Variants in ZFYVE9 observed in about 807,000 individuals in gnomAD.
ZFYVE9 encodes the protein zinc finger FYVE-type containing 9.
In ZFYVE9, 43 loss-of-function variants were observed where a neutral mutation model predicts 126.7. The ratio of observed to expected loss-of-function variants is 0.34; its 90% confidence interval spans 0.27 to 0.44. The LOEUF is 0.44. ZFYVE9 is among the 20% of genes least tolerant of loss of function. The pLI, the probability that ZFYVE9 is intolerant of heterozygous loss-of-function variation, is 1.00. For missense variants in ZFYVE9, 1,476 were observed against 1,697.0 expected (o/e 0.87, Z 2.29); for synonymous variants, 521 against 597.4 (o/e 0.87, Z 1.87).
chr1:52,149,343 A>AT (rs1644333405), intron 1 of ZFYVE9, among the ~76,000 whole-genome samples: 1 of 152,112 alleles, frequency 6.6e-6, no homozygotes, highest in Admixed American at 6.6e-5. Context: ...GGAAGGCTTT[A>AT]ATACCTTGAA....
chr1:52,196,876 A>C (rs1235699336), intron 1 of ZFYVE9, among the ~76,000 whole-genome samples: 1 of 152,142 alleles, frequency 6.6e-6, no homozygotes, highest in Non-Finnish European at 1.5e-5. Context: ...GAAAGTGACA[A>C]AAGTATAAAC....
chr1:52,172,301 A>G (rs1164979207), intron 1 of ZFYVE9, among the ~76,000 whole-genome samples: 1 of 152,186 alleles, frequency 6.6e-6, no homozygotes, highest in African/African-American at 2.4e-5. Context: ...GTCAAAGATC[A>G]GATAGTTGTA....
Position 52,337,765 on chromosome 1 carries a change from T to TA in ZFYVE9, c.3671-7_3671-6insA. On this transcript the variant is annotated splice_region_variant and splice_polypyrimidine_tract_variant and intron_variant, in intron 15 of 18. Transcript: ENST00000287727. ...TGCCTCTCCTTTGGCTTTGTACTGA[T>TA]TCTTAGATGGTGTTATGGTCCAGAT... 6.2e-7 allele frequency: 1 copy of TA among 1,613,862 alleles called. No homozygotes were observed. The highest frequency in any genetic ancestry group is 1.1e-5 in the South Asian group (1 of 91,062).
At chr1:52,164,977 T>C (rs1299117573) in intron 1 of ZFYVE9, among the ~76,000 whole-genome samples, 2 of 152,058 alleles carry the variant, frequency 1.3e-5, no homozygotes, top group Non-Finnish European at 2.9e-5. Context: ...AGTTTCAGTT[T>C]GGGAAGATGA....
intron 9 of ZFYVE9, among the ~76,000 whole-genome samples, chr1:52,281,159 G>T: frequency 7.0e-6 from 1 of 143,772 alleles, no homozygotes. Context: ...TTGAGACGGA[G>T]TCTCACTCTT....
chr1:52,158,056 C>T (rs941242964), intron 1 of ZFYVE9, among the ~76,000 whole-genome samples: 4 of 152,132 alleles, frequency 2.6e-5, no homozygotes, highest in African/African-American at 9.7e-5. Context: ...TAGGTTGGGC[C>T]ATCATTTTCT....
chr1:52,314,733 T>C (rs910101682), intron 13 of ZFYVE9, among the ~76,000 whole-genome samples: 5 of 151,514 alleles, frequency 3.3e-5, no homozygotes, highest in African/African-American at 4.9e-5. Context: ...GGCAGGAGAA[T>C]CACTTGAGGC....
chr1:52,310,486 T>G (rs1390516385), intron 13 of ZFYVE9, among the ~76,000 whole-genome samples: 1 of 152,022 alleles, frequency 6.6e-6, no homozygotes, highest in Non-Finnish European at 1.5e-5. Context: ...GGAGGATCAC[T>G]TGAACCCAGG....
At chr1:52,205,016 T>C (rs1177742560) in intron 1 of ZFYVE9, among the ~76,000 whole-genome samples, 1 of 152,186 alleles carries the variant, frequency 6.6e-6, no homozygotes, top group Non-Finnish European at 1.5e-5. Flanking sequence ...GTGACTTTTT[T>C]TGTATTCACC....
At chr1:52,173,392 G>A (rs964363752) in intron 1 of ZFYVE9, among the ~76,000 whole-genome samples, 35 of 152,160 alleles carry the variant, frequency 2.3e-4, no homozygotes, top group African/African-American at 8.4e-4. Context: ...TGTGCTGCTG[G>A]ATTTGGTTTG....
chr1:52,251,738 TC>T (rs1358565955), intron 4 of ZFYVE9, among the ~76,000 whole-genome samples: 1 of 152,214 alleles, frequency 6.6e-6, no homozygotes, highest in Non-Finnish European at 1.5e-5. Context: ...TTCCTCCTCT[TC>T]AATTTTTTGG....
At chr1:52,183,597 G>C (rs932275880) in intron 1 of ZFYVE9, among the ~76,000 whole-genome samples, 17 of 151,532 alleles carry the variant, frequency 1.1e-4, no homozygotes, top group Non-Finnish European at 2.4e-4. Flanking sequence ...CTGCCTCCCG[G>C]GTTCAAGTAA....
intron 1 of ZFYVE9, among the ~76,000 whole-genome samples, chr1:52,172,182 A>C (rs897437012): frequency 6.6e-6 from 1 of 152,052 alleles, no homozygotes; most frequent in African/African-American, 2.4e-5. Flanking sequence ...TTTTTATAAG[A>C]TGTAAGGAAG....
intron 1 of ZFYVE9, among the ~76,000 whole-genome samples, chr1:52,181,048 C>A (rs1476187898): frequency 6.6e-6 from 1 of 150,866 alleles, no homozygotes; most frequent in East Asian, 1.9e-4. Flanking sequence ...GAACTCGTCC[C>A]TCTCCCTCTC....
intron 16 of ZFYVE9, among the ~76,000 whole-genome samples, chr1:52,338,808 T>G (rs185593692): frequency 6.6e-6 from 1 of 152,056 alleles, no homozygotes; most frequent in East Asian, 1.9e-4. Context: ...GGTTGGGAGT[T>G]CAAGACCAGC....
At chr1:52,249,539 T>G (rs932252485) in intron 4 of ZFYVE9, among the ~76,000 whole-genome samples, 3 of 152,172 alleles carry the variant, frequency 2.0e-5, no homozygotes, top group African/African-American at 7.2e-5. Flanking sequence ...TAATTCAGTC[T>G]CCTATCACAT....
Position 52,337,813 on chromosome 1 carries a change from T to C in ZFYVE9, c.3712T>C (p.Leu1238=). The change falls in exon 16 of 19, where the codon TTG becomes CTG. Residue 1238 remains leucine (L), a synonymous_variant. Coordinates refer to ENST00000287727, the MANE Select transcript of ZFYVE9 (RefSeq NM_004799.4). ...VQITAENMDS[L]RQALREMKDF... ...GATTACTGCAGAGAACATGGATTCCTTGAGGCAGGCACTGCGAGAGATGAA... is the reference window on the plus strand; with the variant it reads ...GATTACTGCAGAGAACATGGATTCCCTGAGGCAGGCACTGCGAGAGATGAA... The C allele has an allele frequency of 6.2e-7, 1 of 1,614,246 alleles. No homozygotes were observed. Among genetic ancestry groups the C allele is most frequent in the Non-Finnish European group, 8.5e-7 (1 of 1,180,040 alleles).
intron 1 of ZFYVE9, among the ~76,000 whole-genome samples, chr1:52,153,753 T>C (rs1644377475): frequency 6.6e-6 from 1 of 152,206 alleles, no homozygotes; most frequent in Non-Finnish European, 1.5e-5. Flanking sequence ...TTGGCAAAAG[T>C]GTGCCCGCTT....
chr1:52,295,936 T>C lies in ZFYVE9; in HGVS notation c.3292T>C (p.Leu1098=), dbSNP rs1426322894. 14 of 1,613,632 alleles carry C rather than the reference T, an allele frequency of 8.7e-6. No individual in the cohort carries two copies. The highest frequency in any genetic ancestry group is 1.7e-5 in the Admixed American group (1 of 59,972). The change falls in exon 12 of 19, where the codon TTG becomes CTG. Residue 1098 remains leucine, a synonymous_variant. Coordinates refer to ENST00000287727, the MANE Select transcript of ZFYVE9 (RefSeq NM_004799.4). ...PLFSVRFRKP[L]FGETGHTIMN... ...ATTCAGTGTCAGATTTCGGAAGCCA[T>C]TGTTTGGAGAGACGGGGCATACCAT...
Sources: allele counts gnomAD v4.1 joint callset (sites outside exome capture counted in the v4.1 genomes callset), GRCh38; gene constraint gnomAD v4.1.1; transcripts MANE v1.5; gene names NCBI Gene and HGNC (gene_info 2026-07-23, HGNC 2026-07-21).